DIS3L: variants seen among roughly 807,000 people sequenced by gnomAD.
DIS3L encodes DIS3-like exonuclease 1.
DIS3L carries 100 observed loss-of-function variants against 120.3 expected under a neutral mutation model. The observed-to-expected ratio is 0.83, with a 90% CI of 0.71 to 0.98. The LOEUF (loss-of-function observed/expected upper bound fraction) is 0.98. Among genes scored for constraint, DIS3L ranks in the 50% least tolerant of loss-of-function variants. The pLI is 0.00. For synonymous variants in DIS3L, 426 were observed against 470.6 expected (o/e 0.91, Z 1.23); for missense variants, 1,196 against 1,314.2 (o/e 0.91, Z 1.39).
At chr15:66,296,701 T>C (rs950612615) in intron 2 of DIS3L, among the ~76,000 whole-genome samples, 3 of 151,970 alleles carry the variant, frequency 2.0e-5, no homozygotes, top group African/African-American at 7.3e-5. Context: ...TTTTTGTATT[T>C]TTAGTAGAGA....
rs751373542 is a variant in DIS3L at position 66,295,069 on chromosome 15, A to C, written c.221A>C (p.Glu74Ala). ...GTTCAAGATTATCTTGAGATCCTTG[A>C]GTTTCCTGAGTTGAAGGGAATTATT... The part of the protein sequence containing the change: ...KVVQDYLEIL[E>A]FPELKGIIFM... Residue 74 changes from glutamate (E) to alanine (A), a missense_variant, in exon 2 of 17, where the codon GAG becomes GCG. Transcript: ENST00000319212. The C allele has an allele frequency of 3.1e-6, 5 of 1,614,014 alleles. No homozygotes were observed. The highest frequency in any genetic ancestry group is 3.4e-6 in the Non-Finnish European group (4 of 1,180,028).
rs2092667035 is a variant in DIS3L at position 66,303,277 on chromosome 15, T to C, written c.294-3547T>C. 3.3e-5 allele frequency among the ~76,000 whole-genome samples: 5 copies of C among 152,238 alleles called. No individual in the cohort carries two copies. The South Asian group carries it at 1.0e-3, about 31-fold the overall frequency. On this transcript the variant is annotated intron_variant, in intron 2 of 16. Coordinates refer to ENST00000319212, the MANE Select transcript of DIS3L (RefSeq NM_001143688.3). The stretch of plus-strand genomic sequence containing the variant: ...GTGAACATAGGTATACAAATGTCTG[T>C]TTGAGTCCTTGCTTTCAATTTGGGT...
chr15:66,332,401 G>A (rs1469173649), intron 15 of DIS3L, among the ~76,000 whole-genome samples: 1 of 150,158 alleles, frequency 6.7e-6, no homozygotes. Context: ...AGGTTGCAGT[G>A]AGCCAAGATC....
chr15:66,318,239 G>A (rs2092841363), intron 7 of DIS3L, among the ~76,000 whole-genome samples: 1 of 152,110 alleles, frequency 6.6e-6, no homozygotes, highest in South Asian at 2.1e-4. Flanking sequence ...CTCCCAAAGT[G>A]CTGGGATTAC....
At position 66,331,934 on chromosome 15, in the gene DIS3L, C is replaced by CA. The variant is rs1387343981; in HGVS notation, c.2598dup (p.Asp867ArgfsTer11). 39 of 1,613,308 alleles carry CA rather than the reference C, an allele frequency of 2.4e-5. No individual in the cohort carries two copies. The highest frequency in any genetic ancestry group is 3.2e-5 in the Non-Finnish European group (38 of 1,179,690). Reference sequence around the variant, plus strand: ...TCTTCCAGTGCATGTACTTCAAAGACAAAGACCCTGCCACCGAGGAGCGTT... The same window carrying CA: ...TCTTCCAGTGCATGTACTTCAAAGACAAAAGACCCTGCCACCGAGGAGCGTT... On this transcript the variant is annotated frameshift_variant, in exon 15 of 17. Coordinates refer to ENST00000319212, the MANE Select transcript of DIS3L (RefSeq NM_001143688.3). LOFTEE classifies it high-confidence loss of function.
chr15:66,301,130 A>C (rs76095247), intron 2 of DIS3L, among the ~76,000 whole-genome samples: 29,713 of 152,128 alleles, frequency 0.2, 3,540 homozygotes, highest in Middle Eastern at 0.29. Context: ...CCACTGAATA[A>C]AAATAGTAAA....
chr15:66,313,602 C>T (rs1418746870), intron 5 of DIS3L, among the ~76,000 whole-genome samples: 1 of 151,814 alleles, frequency 6.6e-6, no homozygotes, highest in African/African-American at 2.4e-5. Flanking sequence ...TGGTGGTGGA[C>T]ACCTGTAATC....
In DIS3L at chr15:66,308,797, C is replaced by T; in HGVS notation, c.511C>T (p.Gln171Ter). The change falls in exon 4 of 17, where the codon CAG (glutamine) becomes TAG (stop). Residue 171 changes from glutamine to a stop codon, truncating the protein, a stop_gained. Transcript: ENST00000319212. LOFTEE classifies it high-confidence loss of function. Reference sequence around the variant, plus strand: ...GGTGACAGAAGATGAAGAGGCAATTCAGCAGTATGGAAGTGAAACAGAAGG... The same window carrying T: ...GGTGACAGAAGATGAAGAGGCAATTTAGCAGTATGGAAGTGAAACAGAAGG... ...VMVTEDEEAIQQYGSETEGVF... is the reference protein window; with the variant it reads ...VMVTEDEEAI 6.2e-7 allele frequency: 1 copy of T among 1,613,464 alleles called. No homozygotes were observed. The highest frequency in any genetic ancestry group is 1.3e-5 in the African/African-American group (1 of 74,894).
At position 66,295,123 on chromosome 15, in the gene DIS3L, A is replaced by G. The variant is rs2092571997; in HGVS notation, c.275A>G (p.Gln92Arg). ...ATGCAGACAGCTTGTCAAGCTGTGC[A>G]GCATCAAAGAGGCAGGAGGTATACG... ...IFMQTACQAV[Q>R]HQRGRRQYNK... The change falls in exon 2 of 17, where the codon CAG (glutamine) becomes CGG (arginine). Residue 92 changes from glutamine (Q) to arginine (R), a missense_variant. By Grantham distance (43) the Gln-to-Arg change is conservative (BLOSUM62 1). Transcript: ENST00000319212. The G allele has an allele frequency of 1.2e-6, 2 of 1,613,916 alleles. No homozygotes were observed. The highest frequency in any genetic ancestry group is 1.1e-5 in the South Asian group (1 of 91,082).
chr15:66,328,092 C>A (rs1445546321), intron 12 of DIS3L, among the ~76,000 whole-genome samples: 1 of 152,162 alleles, frequency 6.6e-6, no homozygotes, highest in African/African-American at 2.4e-5. Context: ...CAGACATCCT[C>A]TTGGTTAATT....
At chr15:66,296,003 A>C (rs904700259) in intron 2 of DIS3L, among the ~76,000 whole-genome samples, 38 of 152,240 alleles carry the variant, frequency 2.5e-4, no homozygotes, top group African/African-American at 8.9e-4. Flanking sequence ...TGCTCAGTTC[A>C]AAAAACATAC....
At chr15:66,294,880 C>T (rs1310366989) in intron 1 of DIS3L, 108 bp from the exon 2 acceptor site, 5 of 1,145,562 alleles carry the variant, frequency 4.4e-6, no homozygotes, top group East Asian at 2.6e-5. Context: ...AAACTCCCAC[C>T]ATGGAGTTAA....
chr15:66,302,990 C>G (rs28539177), intron 2 of DIS3L, among the ~76,000 whole-genome samples: 4 of 152,248 alleles, frequency 2.6e-5, no homozygotes, highest in African/African-American at 9.6e-5. Context: ...CCCTCCTTGG[C>G]CCCTATTCTG....
chr15:66,298,578 T>A (rs1399631929), intron 2 of DIS3L, among the ~76,000 whole-genome samples: 1 of 152,236 alleles, frequency 6.6e-6, no homozygotes, highest in Non-Finnish European at 1.5e-5. Context: ...CTGGTTATAT[T>A]TGTAATAAGA....
In DIS3L at chr15:66,322,671, T is replaced by A. The variant is rs1326891099; in HGVS notation, c.1327-16T>A. ...TTGTGGTGCATGAATTGCTGAATATTTGGTTTCTCATACAGATGTGTGAGA... is the reference window on the plus strand; with the variant it reads ...TTGTGGTGCATGAATTGCTGAATATATGGTTTCTCATACAGATGTGTGAGA... On this transcript the variant is annotated splice_polypyrimidine_tract_variant and intron_variant, in intron 9 of 16. Transcript: ENST00000319212. 1 of 1,611,138 alleles carries A rather than the reference T, an allele frequency of 6.2e-7. No homozygotes were observed. The highest frequency in any genetic ancestry group is 1.7e-5 in the Admixed American group (1 of 59,686).
At chr15:66,329,581 G>C in intron 14 of DIS3L, 182 bp downstream of exon 14, 1 of 1,306,784 alleles carries the variant, frequency 7.7e-7, no homozygotes, top group Middle Eastern at 3.0e-4. Flanking sequence ...GAGATTTGAC[G>C]GTAGATTATC....
chr15:66,305,409 G>A (rs1403742946), intron 2 of DIS3L, among the ~76,000 whole-genome samples: 3 of 152,104 alleles, frequency 2.0e-5, no homozygotes, highest in African/African-American at 4.8e-5. Context: ...TTGCTTCAAC[G>A]AAAAGACTCA....
intron 3 of DIS3L, 137 bp downstream of exon 3, chr15:66,307,089 G>GCTTA: frequency 8.9e-7 from 1 of 1,119,932 alleles, no homozygotes; most frequent in East Asian, 2.5e-5. Context: ...ACACCGAAAT[G>GCTTA]CTTACCATGT....
At chr15:66,317,445 T>C (rs1370914917) in intron 7 of DIS3L, among the ~76,000 whole-genome samples, 1 of 152,126 alleles carries the variant, frequency 6.6e-6, no homozygotes, top group Non-Finnish European at 1.5e-5. Context: ...ATCAGTCTTA[T>C]GATCTGTACA....
Sources: allele counts gnomAD v4.1 joint callset (sites outside exome capture counted in the v4.1 genomes callset), GRCh38; gene constraint gnomAD v4.1.1; transcripts MANE v1.5; gene names NCBI Gene and HGNC (gene_info 2026-07-23, HGNC 2026-07-21).